The following ANKRD36B variants were observed in gnomAD, a reference collection of about 807,000 sequenced individuals.
ANKRD36B encodes the protein ankyrin repeat domain 36B, also known as ankyrin repeat domain-containing protein 36B.
A neutral mutation model predicts 135.7 loss-of-function variants in ANKRD36B; 37 were observed. That is an observed-to-expected ratio of 0.27 (90% CI 0.21 to 0.36). The LOEUF is 0.36. Ranked by LOEUF, ANKRD36B falls within the 10% of genes least tolerant of loss-of-function variation. The pLI is 1.00. For synonymous variants in ANKRD36B, 179 were observed against 348.1 expected (o/e 0.51, Z 5.41); for missense variants, 549 against 1,037.1 (o/e 0.53, Z 6.46).
chr2:97,551,796 A>C (rs566579099), intron 16 of ANKRD36B, among the ~76,000 whole-genome samples: 5 of 151,978 alleles, frequency 3.3e-5, no homozygotes, highest in African/African-American at 7.2e-5. Context: ...ATCAGAGGAG[A>C]AACTCATACA....
chr2:97,568,050 T>G (rs1577049345), intron 6 of ANKRD36B, among the ~76,000 whole-genome samples: 1 of 152,320 alleles, frequency 6.6e-6, no homozygotes, highest in East Asian at 1.9e-4. Flanking sequence ...CACATAACTT[T>G]TATTACAGTA....
intron 6 of ANKRD36B, among the ~76,000 whole-genome samples, chr2:97,562,029 A>G (rs565619737): frequency 6.6e-6 from 1 of 152,042 alleles, no homozygotes; most frequent in Admixed American, 6.6e-5. Context: ...TATAATTTAA[A>G]AAATCATTTT....
At chr2:97,548,468 G>A (rs1295522545) in intron 20 of ANKRD36B, among the ~76,000 whole-genome samples, 1 of 151,926 alleles carries the variant, frequency 6.6e-6, no homozygotes. Context: ...AAGTAAAACT[G>A]CTACAAGCAT....
chr2:97,549,335 C>A (rs562322963), intron 20 of ANKRD36B, 84 bp downstream of exon 20: 3 of 1,447,664 alleles, frequency 2.1e-6, no homozygotes, highest in Middle Eastern at 2.4e-4. Context: ...GCAGCTTCGA[C>A]GAGCCCCCCG....
Position 97,538,344 on chromosome 2 carries a change from C to T in ANKRD36B, c.2007G>A (p.Ser669=), listed in dbSNP as rs745749700. ...ATGAAAGAGTAACTACCTTCTGGGC[C>T]GATTGTTTCTGAGGAGACACTGAAA... ...KSGTVSPQKQ[S]AQKVIFKKKV... The change falls in exon 31 of 44, where the codon TCG becomes TCA. Residue 669 remains serine (S), a synonymous_variant. Transcript: ENST00000359901. 56 of 927,864 alleles carry T rather than the reference C, an allele frequency of 6.0e-5. 23 individuals are homozygous for T. The highest frequency in any genetic ancestry group is 6.5e-5 in the Non-Finnish European group (41 of 626,468). The allele number at this position is 927,864 out of a possible 1,614,324, so 57.5% of individuals were successfully genotyped here.
chr2:97,568,018 T>A (rs1189290896), intron 6 of ANKRD36B, among the ~76,000 whole-genome samples: 1 of 152,174 alleles, frequency 6.6e-6, no homozygotes, highest in Non-Finnish European at 1.5e-5. Context: ...CTATAGTACA[T>A]GATATTTTGT....
intron 6 of ANKRD36B, among the ~76,000 whole-genome samples, chr2:97,570,073 G>A (rs917689240): frequency 1.3e-5 from 2 of 151,952 alleles, no homozygotes; most frequent in African/African-American, 4.8e-5. Flanking sequence ...TTTACTGAAA[G>A]GTTAATCGAA....
Position 97,533,349 on chromosome 2 carries a change from T to A in ANKRD36B, c.2192-965A>T, listed in dbSNP as rs1242704412. 5.3e-4 allele frequency among the ~76,000 whole-genome samples: 51 copies of A among 97,092 alleles called. 18 individuals are homozygous for A. The highest frequency in any genetic ancestry group is 1.5e-3 in the African/African-American group (47 of 32,366). 63.7% of individuals were successfully genotyped at this position (97,092 alleles called of 152,430 possible). On this transcript the variant is annotated intron_variant, in intron 34 of 43. Coordinates refer to ENST00000359901, the MANE Select transcript of ANKRD36B (RefSeq NM_001393939.1). ...GTGTATCTATTTCAATGTAAACATG[T>A]TGACTGATAATGAGAAAAATGATCC... is the stretch of plus-strand genomic sequence containing the variant.
chr2:97,561,972 G>GCAA (rs2081065302), intron 6 of ANKRD36B, among the ~76,000 whole-genome samples: 1 of 144,836 alleles, frequency 6.9e-6, no homozygotes, highest in Non-Finnish European at 1.5e-5. Context: ...CATCCCTCAT[G>GCAA]CAAATATTCT....
intron 17 of ANKRD36B, 41 bp from the exon 18 acceptor site, chr2:97,551,402 T>G: frequency 6.2e-7 from 1 of 1,605,360 alleles, no homozygotes; most frequent in East Asian, 2.2e-5. Context: ...AAGGTATGTT[T>G]CATAGGCTAT....
At chr2:97,561,473 G>A (rs1456866790) in intron 6 of ANKRD36B, among the ~76,000 whole-genome samples, 1 of 151,834 alleles carries the variant, frequency 6.6e-6, no homozygotes, top group Non-Finnish European at 1.5e-5. Context: ...TACATCTCTT[G>A]TATCTTCTAG....
chr2:97,564,097 T>C (rs2081255079), intron 6 of ANKRD36B, among the ~76,000 whole-genome samples: 1 of 151,892 alleles, frequency 6.6e-6, no homozygotes, highest in Admixed American at 6.6e-5. Flanking sequence ...CTACATGTTA[T>C]CTAGGAATAT....
At chr2:97,534,769 G>C (rs2078773445) in intron 34 of ANKRD36B, among the ~76,000 whole-genome samples, 1 of 96,710 alleles carries the variant, frequency 1.0e-5, no homozygotes, top group Non-Finnish European at 2.7e-5. Flanking sequence ...GAACACTATA[G>C]AGTCCTCAAA....
chr2:97,580,294 T>C (rs868250684), intron 4 of ANKRD36B, among the ~76,000 whole-genome samples, 168 bp downstream of exon 4: 3 of 152,212 alleles, frequency 2.0e-5, no homozygotes, highest in Non-Finnish European at 4.4e-5. Flanking sequence ...TCAGTCCAAA[T>C]AATTGTTTTT....
At chr2:97,587,915 T>C (rs1377313216) in intron 1 of ANKRD36B, among the ~76,000 whole-genome samples, 1 of 152,108 alleles carries the variant, frequency 6.6e-6, no homozygotes, top group Non-Finnish European at 1.5e-5. Flanking sequence ...GAAAAATAAA[T>C]GCTTTGCTCT....
intron 35 of ANKRD36B, among the ~76,000 whole-genome samples, chr2:97,529,324 G>T (rs2078423364): frequency 1.0e-5 from 1 of 95,774 alleles, no homozygotes; most frequent in Non-Finnish European, 2.8e-5. Flanking sequence ...CTCAATAGAT[G>T]CAGAAAAGGC....
At position 97,529,014 on chromosome 2, in the gene ANKRD36B, A is replaced by C. The variant is rs1430375587; in HGVS notation, c.2265+3297T>G. Among the ~76,000 whole-genome samples the C allele has an allele frequency of 3.1e-5, 3 of 96,804 alleles. 1 individual carries two copies. Among genetic ancestry groups the C allele is most frequent in the Non-Finnish European group, 8.2e-5 (3 of 36,404 alleles). The allele number at this position is 96,804 out of a possible 152,430, so 63.5% of individuals were successfully genotyped here. On this transcript the variant is annotated intron_variant, in intron 35 of 43. Coordinates refer to ENST00000359901, the MANE Select transcript of ANKRD36B (RefSeq NM_001393939.1). ...GTACCATTCCTTCTGAAACTATTCC[A>C]ATCAATAGAAAAGAGGGAATCCTCC...
chr2:97,529,294 G>T lies in ANKRD36B; in HGVS notation c.2265+3017C>A, dbSNP rs1439324771. Among the ~76,000 whole-genome samples, 19 of 95,608 alleles carry T rather than the reference G, an allele frequency of 2.0e-4. 7 individuals are homozygous for T. The highest frequency in any genetic ancestry group is 4.4e-4 in the African/African-American group (14 of 31,754). The allele number at this position is 95,608 out of a possible 152,430, so 62.7% of individuals were successfully genotyped here. A position where few individuals can be genotyped will look rare whatever the true frequency, so the allele number is the denominator to read the frequency against. On this transcript the variant is annotated intron_variant, in intron 35 of 43. Transcript: ENST00000359901. ...AATCCAGCTTATAAACAGAACCAAA[G>T]ACAAAAACCACATGATTATCTCAAT... is the stretch of plus-strand genomic sequence containing the variant.
At chr2:97,554,446 G>C (rs1270550907) in intron 14 of ANKRD36B, among the ~76,000 whole-genome samples, 1 of 151,860 alleles carries the variant, frequency 6.6e-6, no homozygotes, top group African/African-American at 2.4e-5. Context: ...AGCTTTCTTT[G>C]CTTCATCCAG....
Sources: gnomAD v4.1 joint callset for allele counts (sites outside exome capture counted in the v4.1 genomes callset) on GRCh38, gnomAD v4.1.1 for gene constraint, MANE v1.5 for transcripts, NCBI Gene and HGNC (gene_info 2026-07-23, HGNC 2026-07-21) for gene names.